The following GLIS3 variants were observed in gnomAD, a reference collection of about 807,000 sequenced individuals.
The protein encoded by GLIS3 is zinc finger protein GLIS3.
A neutral mutation model predicts 78.6 loss-of-function variants in GLIS3; 53 were observed. The ratio of observed to expected loss-of-function variants is 0.67; its 90% CI spans 0.54 to 0.85. GLIS3 has a LOEUF of 0.85. Among genes scored for constraint, GLIS3 ranks in the 40% least tolerant of loss-of-function variants. The pLI is 0.00. For synonymous variants in GLIS3, 684 were observed against 509.9 expected (o/e 1.34, Z -4.60); for missense variants, 1,703 against 1,231.1 (o/e 1.38, Z -5.74).
intron 7 of GLIS3, among the ~76,000 whole-genome samples, chr9:3,891,056 C>CT (rs1329662346): frequency 1.0e-5 from 1 of 99,238 alleles, no homozygotes; most frequent in Non-Finnish European, 1.9e-5. Flanking sequence ...TCCACTTTTC[C>CT]TTCCTTCCTC....
the GLIS3 span, among the ~76,000 whole-genome samples, chr9:4,400,409 C>T: frequency 3.3e-5 from 5 of 152,128 alleles, no homozygotes; most frequent in Admixed American, 6.5e-5. Flanking sequence ...GTTGGAACTT[C>T]TTAAATTATT....
chr9:4,104,497 C>G (rs143329067), intron 4 of GLIS3, among the ~76,000 whole-genome samples: 2 of 152,320 alleles, frequency 1.3e-5, no homozygotes, highest in East Asian at 1.9e-4. Flanking sequence ...CCAACTTCCA[C>G]TCCTTGTTCC....
chr9:4,174,273 A>G (rs867961008), intron 2 of GLIS3, among the ~76,000 whole-genome samples: 2 of 152,230 alleles, frequency 1.3e-5, no homozygotes, highest in Admixed American at 6.5e-5. Context: ...GGTTTCATGT[A>G]TTATACCTAC....
chr9:3,881,838 C>G (rs1476975370), intron 7 of GLIS3, among the ~76,000 whole-genome samples: 2 of 152,216 alleles, frequency 1.3e-5, no homozygotes, highest in African/African-American at 4.8e-5. Flanking sequence ...ATACCAAGAC[C>G]TATTAGTATA....
the GLIS3 span, among the ~76,000 whole-genome samples, chr9:4,394,056 C>G: frequency 6.6e-6 from 1 of 151,342 alleles, no homozygotes; most frequent in Non-Finnish European, 1.5e-5. Context: ...CCATTAAAAC[C>G]CAATCCCAGG....
chr9:4,467,488 G>A, the GLIS3 span, among the ~76,000 whole-genome samples: 2 of 152,144 alleles, frequency 1.3e-5, no homozygotes, highest in East Asian at 1.9e-4. Flanking sequence ...TTGCTGTTCC[G>A]CAGCCTCCGC....
intron 4 of GLIS3, 100 bp downstream of exon 4, chr9:4,117,668 C>G: frequency 3.0e-6 from 4 of 1,325,616 alleles, no homozygotes; most frequent in East Asian, 4.6e-5. Flanking sequence ...CCTAGACCCC[C>G]ACGCATGCAA....
intron 7 of GLIS3, among the ~76,000 whole-genome samples, chr9:3,880,982 C>G (rs1821690350): frequency 6.6e-6 from 1 of 152,100 alleles, no homozygotes; most frequent in African/African-American, 2.4e-5. Context: ...TTCAGAAAGG[C>G]AAGGCTGAGC....
intron 4 of GLIS3, among the ~76,000 whole-genome samples, chr9:4,005,488 G>C (rs956106038): frequency 6.6e-6 from 1 of 152,220 alleles, no homozygotes; most frequent in African/African-American, 2.4e-5. Context: ...AACTGCATGA[G>C]TTCAAATTCT....
chr9:4,161,593 G>C (rs1460055152), intron 2 of GLIS3, among the ~76,000 whole-genome samples: 1 of 151,862 alleles, frequency 6.6e-6, no homozygotes, highest in African/African-American at 2.4e-5. Context: ...AGTTTTCTAG[G>C]GCTGCCGTAA....
At chr9:3,852,018 G>A (rs1041742654) in intron 9 of GLIS3, among the ~76,000 whole-genome samples, 13 of 152,194 alleles carry the variant, frequency 8.5e-5, no homozygotes, top group African/African-American at 2.6e-4. Flanking sequence ...GGGGGCATGC[G>A]CCTGTAATCC....
At chr9:4,048,626 G>C (rs1825454409) in intron 4 of GLIS3, among the ~76,000 whole-genome samples, 1 of 152,148 alleles carries the variant, frequency 6.6e-6, no homozygotes, top group Non-Finnish European at 1.5e-5. Context: ...TTCAAAGAGA[G>C]CACAAAAGCA....
At chr9:3,865,359 A>G (rs887158256) in intron 8 of GLIS3, among the ~76,000 whole-genome samples, 1 of 152,192 alleles carries the variant, frequency 6.6e-6, no homozygotes, top group Non-Finnish European at 1.5e-5. Context: ...AGATTTCTAG[A>G]TCGCGCCTTT....
chr9:3,916,005 C>T lies in GLIS3; in HGVS notation c.1983+16355G>A, dbSNP rs1054998339. Among the ~76,000 whole-genome samples the T allele has an allele frequency of 5.3e-5, 8 of 152,194 alleles. No individual in the cohort carries two copies. In the East Asian group the frequency reaches 1.5e-3, roughly 29 times the overall value. ...AAGAAAATCAGATTTTTTAAAAAATCAGAAATTAACAAGTAGAACAAGTCT... is the reference window on the plus strand; with the variant it reads ...AAGAAAATCAGATTTTTTAAAAAATTAGAAATTAACAAGTAGAACAAGTCT... On this transcript the variant is annotated intron_variant, in intron 6 of 10. Transcript: ENST00000381971.
At chr9:4,452,300 A>G in the GLIS3 span, among the ~76,000 whole-genome samples, 1 of 152,174 alleles carries the variant, frequency 6.6e-6, no homozygotes, top group Non-Finnish European at 1.5e-5. Context: ...CTTATTCAAC[A>G]TAGTATTGGA....
intron 2 of GLIS3, among the ~76,000 whole-genome samples, chr9:4,173,288 T>C (rs889601276): frequency 6.6e-6 from 1 of 152,208 alleles, no homozygotes; most frequent in African/African-American, 2.4e-5. Flanking sequence ...AAGGCTTTAA[T>C]GCCTTCGAGC....
chr9:3,923,610 T>C (rs551122490), intron 6 of GLIS3, among the ~76,000 whole-genome samples: 1 of 151,606 alleles, frequency 6.6e-6, no homozygotes, highest in Non-Finnish European at 1.5e-5. Context: ...AGTACAAGGA[T>C]GTTTGAATAT....
At chr9:4,444,706 G>A in the GLIS3 span, among the ~76,000 whole-genome samples, 1 of 152,080 alleles carries the variant, frequency 6.6e-6, no homozygotes, top group Non-Finnish European at 1.5e-5. Context: ...AAGCCCCTGG[G>A]GTATATGGAA....
Position 4,009,795 on chromosome 9 carries a change from G to A in GLIS3, c.1711-72606C>T, listed in dbSNP as rs560889679. Reference sequence around the variant, plus strand: ...AGCCTCCTGCCCTCCAACCTGGGCAGGTCCACGTGGATTCACTGCACATGC... The same window carrying A: ...AGCCTCCTGCCCTCCAACCTGGGCAAGTCCACGTGGATTCACTGCACATGC... On this transcript the variant is annotated intron_variant, in intron 4 of 10. Coordinates refer to ENST00000381971, the MANE Select transcript of GLIS3 (RefSeq NM_001042413.2). Among the ~76,000 whole-genome samples, 232 of 152,318 alleles carry A rather than the reference G, an allele frequency of 1.5e-3. 1 individual carries two copies. The highest frequency in any genetic ancestry group is 5.3e-3 in the African/African-American group (222 of 41,568).
Sources: gnomAD v4.1 joint callset for allele counts (sites outside exome capture counted in the v4.1 genomes callset) on GRCh38, gnomAD v4.1.1 for gene constraint, MANE v1.5 for transcripts, NCBI Gene and HGNC (gene_info 2026-07-23, HGNC 2026-07-21) for gene names.